Variants in PCCA observed in about 807,000 individuals in gnomAD.
PCCA encodes propionyl-CoA carboxylase subunit alpha.
A neutral mutation model predicts 101.3 loss-of-function variants in PCCA; 74 were observed. The ratio of observed to expected loss-of-function variants is 0.73; its 90% CI spans 0.61 to 0.89. The LOEUF is 0.89. Ranked by LOEUF, PCCA falls within the 40% of genes least tolerant of loss-of-function variation. The pLI, the probability that PCCA is intolerant of heterozygous loss-of-function variation, is 0.00. For missense variants in PCCA, 891 were observed against 907.0 expected (o/e 0.98, Z 0.23); for synonymous variants, 294 against 313.6 (o/e 0.94, Z 0.66).
At chr13:100,420,405 T>C (rs1049357459) in intron 19 of PCCA, among the ~76,000 whole-genome samples, 4 of 152,012 alleles carry the variant, frequency 2.6e-5, no homozygotes, top group Non-Finnish European at 5.9e-5. Flanking sequence ...AGAACCTGTC[T>C]CTCCAAAATA....
At chr13:100,422,135 C>CTTTCTTTCTTTCTTTTTTTTTT (rs2078864059) in intron 19 of PCCA, among the ~76,000 whole-genome samples, 1 of 68,782 alleles carries the variant, frequency 1.5e-5, no homozygotes, top group African/African-American at 6.3e-5. Flanking sequence ...TTCTTTCTTT[C>CTTTCTTTCTTTCTTTTTTTTTT]TTTTTTTTTT....
At chr13:100,297,690 C>T (rs1443663624) in intron 12 of PCCA, among the ~76,000 whole-genome samples, 4 of 152,134 alleles carry the variant, frequency 2.6e-5, no homozygotes, top group African/African-American at 9.7e-5. Context: ...CCGATTGTTA[C>T]CATCTAGCGT....
intron 21 of PCCA, among the ~76,000 whole-genome samples, chr13:100,508,207 T>C (rs897359546): frequency 3.3e-5 from 5 of 150,544 alleles, no homozygotes; most frequent in African/African-American, 1.2e-4. Flanking sequence ...AGCCTTAAGA[T>C]GGTTCTTTTC....
In PCCA at chr13:100,334,133, C is replaced by G. The variant is rs1337048566; in HGVS notation, c.1540+3462C>G. Among the ~76,000 whole-genome samples, 4 of 152,216 alleles carry G rather than the reference C, an allele frequency of 2.6e-5. No individual in the cohort carries two copies. The East Asian group carries it at 7.7e-4, about 29-fold the overall frequency. On this transcript the variant is annotated intron_variant, in intron 17 of 23. Transcript: ENST00000376285. ...ACAACAAAACACCGGAAACCCAGTT[C>G]CATTTGAGGGAATAAAGAAAGGCTT... is the stretch of plus-strand genomic sequence containing the variant.
rs865784465 is a variant in PCCA at position 100,460,558 on chromosome 13, A to G, written c.1899+11253A>G. ...GCCAGAGATCTAATGAAACCAAATGATGCTAAAGTTCTTAAAGCTAATTTA... is the reference window on the plus strand; with the variant it reads ...GCCAGAGATCTAATGAAACCAAATGGTGCTAAAGTTCTTAAAGCTAATTTA... On this transcript the variant is annotated intron_variant, in intron 21 of 23. Transcript: ENST00000376285. Among the ~76,000 whole-genome samples, 11 of 152,242 alleles carry G rather than the reference A, an allele frequency of 7.2e-5. 1 individual carries two copies. Among genetic ancestry groups the G allele is most frequent in the South Asian group, 4.1e-4 (2 of 4,828 alleles).
intron 4 of PCCA, chr13:100,154,609 G>A (rs1041534211): frequency 6.1e-6 from 2 of 325,340 alleles, no homozygotes; most frequent in Admixed American, 4.5e-5. Flanking sequence ...AACTGGGCAT[G>A]AGTGCTCTTT....
At chr13:100,462,444 TG>T (rs1479733052) in intron 21 of PCCA, among the ~76,000 whole-genome samples, 24 of 152,334 alleles carry the variant, frequency 1.6e-4, no homozygotes, top group Admixed American at 1.2e-3. Context: ...GCACACTGGC[TG>T]GTGAAGACAG....
At chr13:100,090,561 T>C (rs2046186622) in intron 1 of PCCA, among the ~76,000 whole-genome samples, 1 of 152,218 alleles carries the variant, frequency 6.6e-6, no homozygotes, top group African/African-American at 2.4e-5. Context: ...GAATATCTCC[T>C]GTCTTCCACT....
At position 100,150,864 on chromosome 13, in the gene PCCA, C is replaced by T. The variant is rs1040792863; in HGVS notation, c.301-4115C>T. 66 of 1,573,494 alleles carry T rather than the reference C, an allele frequency of 4.2e-5. 1 individual carries two copies. Among genetic ancestry groups the T allele is most frequent in the Non-Finnish European group, 1.0e-5 (12 of 1,145,504 alleles). On this transcript the variant is annotated intron_variant, in intron 4 of 23. Coordinates refer to ENST00000376285, the MANE Select transcript of PCCA (RefSeq NM_000282.4). ...TGGACAGGCTTGCCATAAGTTGCAC[C>T]CTTAGGAACTGGGCGTTTTCGGCCA...
At chr13:100,177,711 G>A (rs1409746131) in intron 6 of PCCA, among the ~76,000 whole-genome samples, 1 of 151,870 alleles carries the variant, frequency 6.6e-6, no homozygotes, top group East Asian at 1.9e-4. Context: ...ACATAAGGAC[G>A]AAAAAAATCA....
At chr13:100,339,503 A>C (rs1175973497) in intron 17 of PCCA, among the ~76,000 whole-genome samples, 1 of 152,202 alleles carries the variant, frequency 6.6e-6, no homozygotes, top group Non-Finnish European at 1.5e-5. Flanking sequence ...CTTGACTCAC[A>C]ACCTTCTTGA....
intron 6 of PCCA, among the ~76,000 whole-genome samples, chr13:100,198,013 T>C (rs2058225586): frequency 6.6e-6 from 1 of 152,212 alleles, no homozygotes; most frequent in South Asian, 2.1e-4. Context: ...TTTGCAGGTG[T>C]GTCTGCCACA....
chr13:100,335,800 G>T (rs2070356839), intron 17 of PCCA, among the ~76,000 whole-genome samples: 1 of 152,156 alleles, frequency 6.6e-6, no homozygotes. Context: ...CATGAAAGTA[G>T]ACGATCCTTG....
chr13:100,283,435 C>T (rs188661723), intron 12 of PCCA, among the ~76,000 whole-genome samples: 108 of 152,246 alleles, frequency 7.1e-4, no homozygotes, highest in African/African-American at 2.3e-3. Flanking sequence ...CAATGATGTC[C>T]GCCATAACTC....
intron 4 of PCCA, chr13:100,150,493 G>A: frequency 7.9e-7 from 1 of 1,262,206 alleles, no homozygotes. Context: ...AGCGGTAACG[G>A]TGGAGCGGGA....
chr13:100,172,774 T>G (rs547934298), intron 6 of PCCA, among the ~76,000 whole-genome samples: 1 of 152,312 alleles, frequency 6.6e-6, no homozygotes, highest in East Asian at 1.9e-4. Context: ...CCCCTCTGCA[T>G]GTACTAACTC....
intron 21 of PCCA, among the ~76,000 whole-genome samples, chr13:100,467,452 A>C (rs1194491082): frequency 6.6e-6 from 1 of 152,132 alleles, no homozygotes; most frequent in Non-Finnish European, 1.5e-5. Flanking sequence ...CCTCACTGCA[A>C]GCTCTGCCTC....
intron 20 of PCCA, among the ~76,000 whole-genome samples, chr13:100,438,456 G>T (rs546760892): frequency 1.8e-4 from 27 of 152,150 alleles, no homozygotes; most frequent in Admixed American, 1.0e-3. Context: ...AAGCCATGTT[G>T]ATTTCTCATT....
chr13:100,174,902 C>T (rs919192467), intron 6 of PCCA, among the ~76,000 whole-genome samples: 3 of 151,070 alleles, frequency 2.0e-5, no homozygotes, highest in African/African-American at 7.3e-5. Context: ...ATTCATTTAC[C>T]ATATTTGAAA....
Sources: allele counts gnomAD v4.1 joint callset (sites outside exome capture counted in the v4.1 genomes callset), GRCh38; gene constraint gnomAD v4.1.1; transcripts MANE v1.5; gene names NCBI Gene and HGNC (gene_info 2026-07-23, HGNC 2026-07-21).